Variants in RALGAPB observed in about 807,000 individuals in gnomAD.
The protein encoded by RALGAPB is Ral GTPase activating protein non-catalytic subunit beta, also known as ral GTPase-activating protein subunit beta.
RALGAPB carries 25 observed loss-of-function variants against 161.1 expected under a neutral mutation model. That is an observed-to-expected ratio of 0.16 (90% CI 0.11 to 0.22). RALGAPB has a LOEUF of 0.22. Ranked by LOEUF, RALGAPB falls within the 10% of genes least tolerant of loss-of-function variation. The pLI, the probability that RALGAPB is intolerant of heterozygous loss-of-function variation, is 1.00. For synonymous variants in RALGAPB, 629 were observed against 626.1 expected (o/e 1.00, Z -0.07); for missense variants, 1,391 against 1,815.2 (o/e 0.77, Z 4.25).
At chr20:38,559,041 A>G (rs1045487904) in intron 23 of RALGAPB, among the ~76,000 whole-genome samples, 2 of 152,370 alleles carry the variant, frequency 1.3e-5, no homozygotes, top group South Asian at 4.1e-4. Flanking sequence ...TGAAAACAGA[A>G]TTAATGAAAA....
chr20:38,494,616 C>T (rs1656668754), intron 3 of RALGAPB, among the ~76,000 whole-genome samples: 1 of 152,020 alleles, frequency 6.6e-6, no homozygotes, highest in Admixed American at 6.6e-5. Context: ...GGTGACAGAG[C>T]GAGACTCTGT....
intron 13 of RALGAPB, 147 bp downstream of exon 13, chr20:38,526,189 A>G (rs1458239316): frequency 1.1e-6 from 1 of 888,236 alleles, no homozygotes; most frequent in Admixed American, 2.7e-5. Flanking sequence ...TTTTTAATGT[A>G]AAAAAATTTA....
intron 20 of RALGAPB, among the ~76,000 whole-genome samples, chr20:38,550,087 T>C (rs923471438): frequency 8.5e-5 from 13 of 152,094 alleles, no homozygotes; most frequent in African/African-American, 3.1e-4. Flanking sequence ...AGGTGGGAAT[T>C]GAACAGTGGG....
Position 38,545,531 on chromosome 20 carries a change from A to G in RALGAPB, c.2715-712A>G, listed in dbSNP as rs562403313. Among the ~76,000 whole-genome samples, 199 of 152,302 alleles carry G rather than the reference A, an allele frequency of 1.3e-3. 1 individual carries two copies. The highest frequency in any genetic ancestry group is 4.5e-3 in the African/African-American group (186 of 41,568). ...GGGAAGACCAGTATTCTACAGCACC[A>G]CATTTGTCATCTCAACTCTCAGCTT... On this transcript the variant is annotated intron_variant, in intron 18 of 29. Transcript: ENST00000262879.
At chr20:38,561,015 A>G (rs1384977334) in intron 23 of RALGAPB, among the ~76,000 whole-genome samples, 1 of 152,226 alleles carries the variant, frequency 6.6e-6, no homozygotes, top group Non-Finnish European at 1.5e-5. Context: ...GGTAAACTAA[A>G]TAGGTTCACT....
At chr20:38,561,315 C>T (rs2087778460) in intron 23 of RALGAPB, among the ~76,000 whole-genome samples, 2 of 152,300 alleles carry the variant, frequency 1.3e-5, no homozygotes, top group East Asian at 3.9e-4. Flanking sequence ...CAGAGCAAGA[C>T]TCCGTCTCAA....
At chr20:38,488,898 C>G (rs939784430) in intron 2 of RALGAPB, among the ~76,000 whole-genome samples, 5 of 152,160 alleles carry the variant, frequency 3.3e-5, no homozygotes, top group African/African-American at 1.2e-4. Flanking sequence ...TCCACTTGAG[C>G]TGAAGGCCAA....
chr20:38,526,076 C>G (rs927157903), intron 13 of RALGAPB, 34 bp downstream of exon 13: 2 of 1,609,750 alleles, frequency 1.2e-6, no homozygotes, highest in Non-Finnish European at 1.7e-6. Context: ...TAAGTGAAAC[C>G]AAAGTACTGT....
chr20:38,507,614 A>G (rs116533265), intron 5 of RALGAPB, among the ~76,000 whole-genome samples: 3,153 of 152,250 alleles, frequency 0.021, 119 homozygotes, highest in African/African-American at 0.07. Flanking sequence ...CCTGGACTCA[A>G]GTGATCCACT....
chr20:38,500,882 T>G (rs1253125200), intron 5 of RALGAPB, among the ~76,000 whole-genome samples: 1 of 152,208 alleles, frequency 6.6e-6, no homozygotes, highest in Non-Finnish European at 1.5e-5. Context: ...AACATTTTCT[T>G]AAGCCAAAGC....
intron 22 of RALGAPB, 27 bp from the exon 23 acceptor site, chr20:38,558,268 A>T (rs1438135554): frequency 6.8e-7 from 1 of 1,474,972 alleles, no homozygotes; most frequent in Non-Finnish European, 9.1e-7. Flanking sequence ...ATAGGTAATA[A>T]TTGCTCCTTT....
At chr20:38,479,103 A>G (rs1303588) in intron 1 of RALGAPB, among the ~76,000 whole-genome samples, 96,369 of 152,048 alleles carry the variant, frequency 0.63, 35,304 homozygotes, top group East Asian at 0.91. Flanking sequence ...ATCAGTTACC[A>G]TATTGAATAC....
At chr20:38,559,333 G>A (rs2087705910) in intron 23 of RALGAPB, among the ~76,000 whole-genome samples, 1 of 152,224 alleles carries the variant, frequency 6.6e-6, no homozygotes, top group African/African-American at 2.4e-5. Context: ...AATTTCAGAA[G>A]CAAATCATTT....
At chr20:38,542,644 G>A (rs542472155) in intron 18 of RALGAPB, among the ~76,000 whole-genome samples, 6 of 152,284 alleles carry the variant, frequency 3.9e-5, no homozygotes, top group East Asian at 1.9e-4. Flanking sequence ...TTGGGAGGCC[G>A]AGGCGGGTGG....
chr20:38,484,014 A>T (rs2085048147), intron 1 of RALGAPB, among the ~76,000 whole-genome samples: 1 of 152,010 alleles, frequency 6.6e-6, no homozygotes, highest in Non-Finnish European at 1.5e-5. Context: ...TATGGTGAAT[A>T]CTAAAAATAC....
At chr20:38,539,019 G>A (rs1190012777) in intron 16 of RALGAPB, among the ~76,000 whole-genome samples, 1 of 152,202 alleles carries the variant, frequency 6.6e-6, no homozygotes, top group Non-Finnish European at 1.5e-5. Context: ...TAGATAAATT[G>A]TGGTATATCC....
chr20:38,487,728 A>G (rs1273678988), intron 1 of RALGAPB, among the ~76,000 whole-genome samples: 7 of 152,176 alleles, frequency 4.6e-5, no homozygotes, highest in African/African-American at 1.2e-4. Context: ...ACATATTCAC[A>G]TTAGGGTTAT....
At chr20:38,569,690 G>T in intron 26 of RALGAPB, 198 bp from the exon 27 acceptor site, 2 of 493,082 alleles carry the variant, frequency 4.1e-6, no homozygotes, top group Non-Finnish European at 7.3e-6. Context: ...TTTAAGCCTT[G>T]TCCTAGGTTA....
chr20:38,516,950 G>A (rs1204012817), intron 7 of RALGAPB, among the ~76,000 whole-genome samples: 32 of 152,162 alleles, frequency 2.1e-4, no homozygotes, highest in Non-Finnish European at 4.7e-4. Flanking sequence ...CAGTTAATAT[G>A]TTAGCTCTGA....
Sources: allele counts gnomAD v4.1 joint callset (sites outside exome capture counted in the v4.1 genomes callset), GRCh38; gene constraint gnomAD v4.1.1; transcripts MANE v1.5; gene names NCBI Gene and HGNC (gene_info 2026-07-23, HGNC 2026-07-21).